The following HOOK3 variants were observed in gnomAD, a reference collection of about 807,000 sequenced individuals.
HOOK3 encodes protein Hook homolog 3.
HOOK3 carries 24 observed loss-of-function variants against 116.3 expected under a neutral mutation model. The observed-to-expected ratio is 0.21, with a 90% confidence interval of 0.15 to 0.29. HOOK3 has a LOEUF of 0.29. HOOK3 is among the 10% of genes least tolerant of loss of function. HOOK3 has a pLI of 1.00. For synonymous variants in HOOK3, 275 were observed against 283.0 expected (o/e 0.97, Z 0.28); for missense variants, 632 against 830.2 (o/e 0.76, Z 2.93).
At chr8:42,958,897 C>T (rs1022368384) in intron 7 of HOOK3, among the ~76,000 whole-genome samples, 13 of 152,006 alleles carry the variant, frequency 8.6e-5, no homozygotes, top group Non-Finnish European at 1.3e-4. Flanking sequence ...TCCCCTAGCA[C>T]ATACATATTT....
intron 15 of HOOK3, among the ~76,000 whole-genome samples, chr8:42,991,507 A>G (rs938920281): frequency 2.6e-5 from 4 of 151,388 alleles, no homozygotes; most frequent in African/African-American, 7.3e-5. Context: ...GGTTCAAGCA[A>G]TTCTCTTCCC....
rs1809913934 is a variant in HOOK3 at position 43,025,305 on chromosome 8, G to T, written c.*6807G>T. The stretch of plus-strand genomic sequence containing the variant: ...CTCGGTTTGCATGCTGTGTGTGTTT[G>T]CATGAGTATAGAAACCTAAGAACAT... On this transcript the variant is annotated 3_prime_UTR_variant, in exon 22 of 22. Transcript: ENST00000307602. 1 of 210,086 alleles carries T rather than the reference G, an allele frequency of 4.8e-6. No individual in the cohort carries two copies. The highest frequency in any genetic ancestry group is 9.7e-6 in the Non-Finnish European group (1 of 103,472). 13.0% of individuals were successfully genotyped at this position (210,086 alleles called of 1,614,324 possible). A position where few individuals can be genotyped will look rare whatever the true frequency, so the allele number is the denominator to read the frequency against.
intron 1 of HOOK3, among the ~76,000 whole-genome samples, chr8:42,905,791 C>CGATA (rs1807294086): frequency 6.6e-6 from 1 of 150,632 alleles, no homozygotes; most frequent in South Asian, 2.1e-4. Flanking sequence ...AAAAAAAAGC[C>CGATA]TAAGAAATTT....
intron 14 of HOOK3, 106 bp downstream of exon 14, chr8:42,982,802 C>G (rs1021921469): frequency 3.0e-5 from 22 of 741,340 alleles, no homozygotes; most frequent in Non-Finnish European, 3.9e-5. Context: ...CTCACCGACA[C>G]TTTCAACATG....
chr8:42,960,685 A>T (rs1271021076), intron 8 of HOOK3, among the ~76,000 whole-genome samples: 3 of 152,082 alleles, frequency 2.0e-5, no homozygotes, highest in African/African-American at 7.2e-5. Context: ...TTGTCATCCA[A>T]CCTCAGCTCA....
chr8:42,921,322 A>G (rs971682525), intron 2 of HOOK3, among the ~76,000 whole-genome samples: 1 of 151,976 alleles, frequency 6.6e-6, no homozygotes, highest in African/African-American at 2.4e-5. Flanking sequence ...TTCATGTGTG[A>G]GTCTTTTTTA....
intron 17 of HOOK3, among the ~76,000 whole-genome samples, chr8:43,004,110 G>A (rs980796017): frequency 6.6e-6 from 1 of 152,172 alleles, no homozygotes; most frequent in Non-Finnish European, 1.5e-5. Flanking sequence ...GCTCACGCCT[G>A]TAATCCCAGC....
chr8:42,948,527 C>T (rs1057368225), intron 5 of HOOK3, among the ~76,000 whole-genome samples: 1 of 152,150 alleles, frequency 6.6e-6, no homozygotes, highest in East Asian at 1.9e-4. Context: ...CCTACTAACC[C>T]CTCACCCCTC....
Position 43,016,122 on chromosome 8 carries a change from G to T in HOOK3, c.2017-2236G>T, listed in dbSNP as rs1184981004. ...TGGTACTAAAGAATAGTCCTAATTTGTTTTTTTTTTTTTTAAATGGAGTCT... is the reference window on the plus strand; with the variant it reads ...TGGTACTAAAGAATAGTCCTAATTTTTTTTTTTTTTTTTTAAATGGAGTCT... On this transcript the variant is annotated intron_variant, in intron 21 of 21. Transcript: ENST00000307602. 9.0e-5 allele frequency among the ~76,000 whole-genome samples: 13 copies of T among 144,138 alleles called. 1 individual carries two copies. In the Admixed American group the frequency reaches 9.0e-4, roughly 10 times the overall value. 94.6% of individuals were successfully genotyped at this position (144,138 alleles called of 152,430 possible).
intron 2 of HOOK3, among the ~76,000 whole-genome samples, chr8:42,914,710 C>T (rs1227051791): frequency 6.6e-6 from 1 of 152,228 alleles, no homozygotes; most frequent in East Asian, 1.9e-4. Context: ...GTTAAATCTA[C>T]TCAAGATCAT....
At chr8:42,945,947 C>T (rs566503895) in intron 5 of HOOK3, among the ~76,000 whole-genome samples, 1 of 152,110 alleles carries the variant, frequency 6.6e-6, no homozygotes, top group Admixed American at 6.5e-5. Flanking sequence ...ATAGTTCTTC[C>T]AAAGTGCTTA....
chr8:43,003,881 T>C (rs1316797283), intron 17 of HOOK3, among the ~76,000 whole-genome samples: 1 of 152,190 alleles, frequency 6.6e-6, no homozygotes, highest in Non-Finnish European at 1.5e-5. Flanking sequence ...TGCCAATCAT[T>C]GGATTTAGGG....
In HOOK3 at chr8:43,027,750, G is replaced by A. The variant is rs953749681; in HGVS notation, c.*9252G>A. On this transcript the variant is annotated 3_prime_UTR_variant, in exon 22 of 22. Transcript: ENST00000307602. ...AGAGTAGATTATTCAGTAGCCACAT[G>A]TGACAGTTAAAATTAAGTAAAATTA... 1 of 206,694 alleles carries A rather than the reference G, an allele frequency of 4.8e-6. No homozygotes were observed. Among genetic ancestry groups the A allele is most frequent in the African/African-American group, 2.3e-5 (1 of 43,646 alleles). The allele number at this position is 206,694 out of a possible 1,614,324, so 12.8% of individuals were successfully genotyped here.
chr8:42,989,722 C>T (rs1586624155), intron 15 of HOOK3, among the ~76,000 whole-genome samples: 1 of 151,904 alleles, frequency 6.6e-6, no homozygotes, highest in Non-Finnish European at 1.5e-5. Context: ...TTTTATGTAC[C>T]CATTAACCTC....
At chr8:42,933,559 TTCC>T (rs1458087981) in intron 4 of HOOK3, among the ~76,000 whole-genome samples, 1 of 152,244 alleles carries the variant, frequency 6.6e-6, no homozygotes, top group Non-Finnish European at 1.5e-5. Context: ...CTTCTGGGAA[TTCC>T]TTTGTCTTTC....
intron 14 of HOOK3, among the ~76,000 whole-genome samples, chr8:42,985,223 G>C (rs1809027872): frequency 6.6e-6 from 1 of 152,102 alleles, no homozygotes; most frequent in Non-Finnish European, 1.5e-5. Context: ...ACTTTTCTGG[G>C]AGTTTAATCC....
chr8:42,962,766 T>G (rs989388977), intron 8 of HOOK3, among the ~76,000 whole-genome samples: 3 of 151,370 alleles, frequency 2.0e-5, no homozygotes, highest in Admixed American at 2.0e-4. Flanking sequence ...CTGCCAAATA[T>G]ATTGACTTTT....
chr8:42,975,748 C>G (rs764514875), intron 13 of HOOK3, among the ~76,000 whole-genome samples: 8 of 152,180 alleles, frequency 5.3e-5, no homozygotes, highest in Non-Finnish European at 1.2e-4. Flanking sequence ...CTCTGTCACC[C>G]AGGCTGGAGT....
intron 18 of HOOK3, among the ~76,000 whole-genome samples, chr8:43,009,848 TG>T (rs1292442220): frequency 6.6e-6 from 1 of 152,180 alleles, no homozygotes; most frequent in African/African-American, 2.4e-5. Context: ...CGCTAATAAC[TG>T]CTATTCCATT....
Sources: gnomAD v4.1 joint callset for allele counts (sites outside exome capture counted in the v4.1 genomes callset) on GRCh38, gnomAD v4.1.1 for gene constraint, MANE v1.5 for transcripts, NCBI Gene and HGNC (gene_info 2026-07-23, HGNC 2026-07-21) for gene names.